Variants in AKAP13 observed in about 807,000 individuals in gnomAD.
AKAP13 encodes A-kinase anchoring protein 13.
Under a neutral mutation model 264.5 loss-of-function variants are expected in AKAP13, and 80 were observed. That is an observed-to-expected ratio of 0.30 (90% CI 0.25 to 0.36). The LOEUF is 0.36. Among genes scored for constraint, AKAP13 ranks in the 10% least tolerant of loss-of-function variants. The pLI, the probability that AKAP13 is intolerant of heterozygous loss-of-function variation, is 1.00. For missense variants in AKAP13, 3,712 were observed against 3,435.2 expected (o/e 1.08, Z -2.01); for synonymous variants, 1,380 against 1,250.2 (o/e 1.10, Z -2.19).
intron 8 of AKAP13, among the ~76,000 whole-genome samples, chr15:85,589,473 C>T (rs759969247): frequency 1.3e-5 from 2 of 151,784 alleles, no homozygotes; most frequent in South Asian, 2.1e-4. Context: ...TGTAAAATCT[C>T]AGCCGGGCAC....
At position 85,562,564 on chromosome 15, in the gene AKAP13, C is replaced by CAAAAA. The variant is rs1253215813; in HGVS notation, c.663-12560_663-12556dup. On this transcript the variant is annotated intron_variant, in intron 5 of 36. Transcript: ENST00000394518. Reference sequence around the variant, plus strand: ...TGGGTGACAGAGTGAGAATCTGCCTCAAAAAAAAAAATATATATATATATA... The same window carrying CAAAAA: ...TGGGTGACAGAGTGAGAATCTGCCTCAAAAAAAAAAAAAAAATATATATATATATA... Among the ~76,000 whole-genome samples the CAAAAA allele has an allele frequency of 2.7e-4, 9 of 33,876 alleles. 1 individual carries two copies. Among genetic ancestry groups the CAAAAA allele is most frequent in the Admixed American group, 5.9e-4 (2 of 3,402 alleles). The allele number at this position is 33,876 out of a possible 152,430, so 22.2% of individuals were successfully genotyped here. A position where few individuals can be genotyped will look rare whatever the true frequency, so the allele number is the denominator to read the frequency against.
At chr15:85,573,209 A>G (rs370694559) in intron 5 of AKAP13, among the ~76,000 whole-genome samples, 1 of 152,154 alleles carries the variant, frequency 6.6e-6, no homozygotes, top group Non-Finnish European at 1.5e-5. Context: ...CATGATAATG[A>G]TCTCAAATAT....
In AKAP13 at chr15:85,645,787, TCAATATTGGTGAATAAATTCTC is replaced by T; in HGVS notation, c.4238-30_4238-9del. The T allele has an allele frequency of 1.2e-5, 18 of 1,546,090 alleles. No individual in the cohort carries two copies. Among genetic ancestry groups the T allele is most frequent in the Admixed American group, 4.4e-5 (2 of 45,598 alleles). ...TTTTGGTTTTTTTGTTTTTTTTTTTTCAATATTGGTGAATAAATTCTCTTTTTCAGAATGTGAGAACTTCCTG... is the reference window on the plus strand; with the variant it reads ...TTTTGGTTTTTTTGTTTTTTTTTTTTTTTTTCAGAATGTGAGAACTTCCTG... On this transcript the variant is annotated splice_polypyrimidine_tract_variant and intron_variant, in intron 9 of 36. Coordinates refer to ENST00000394518, the MANE Select transcript of AKAP13 (RefSeq NM_007200.5).
intron 1 of AKAP13, among the ~76,000 whole-genome samples, chr15:85,385,727 T>G (rs553154127): frequency 6.6e-6 from 1 of 152,366 alleles, no homozygotes; most frequent in African/African-American, 2.4e-5. Context: ...TTCAAAATCT[T>G]TTGCTTAAAA....
chr15:85,557,996 T>A (rs2078212991), intron 5 of AKAP13, among the ~76,000 whole-genome samples: 1 of 152,220 alleles, frequency 6.6e-6, no homozygotes, highest in Non-Finnish European at 1.5e-5. Context: ...ACATGCCGTA[T>A]TCCTATCTAT....
intron 1 of AKAP13, among the ~76,000 whole-genome samples, chr15:85,451,956 A>G (rs1373803936): frequency 2.0e-5 from 3 of 151,884 alleles, no homozygotes; most frequent in East Asian, 1.9e-4. Flanking sequence ...ACCCTGAAAC[A>G]TATTTTCTAA....
chr15:85,744,704 G>A lies in AKAP13; in HGVS notation c.*27G>A. ...CCTCTTCCTCTCTGCTGAGGCAGCT[G>A]CCTCCTGATCCTGGCCAGCCCACCT... On this transcript the variant is annotated 3_prime_UTR_variant, in exon 37 of 37. Coordinates refer to ENST00000394518, the MANE Select transcript of AKAP13 (RefSeq NM_007200.5). 6.3e-7 allele frequency: 1 copy of A among 1,581,700 alleles called. No homozygotes were observed. Among genetic ancestry groups the A allele is most frequent in the South Asian group, 1.2e-5 (1 of 85,648 alleles).
At chr15:85,465,717 G>A (rs2074712394) in intron 1 of AKAP13, among the ~76,000 whole-genome samples, 1 of 151,142 alleles carries the variant, frequency 6.6e-6, no homozygotes, top group Non-Finnish European at 1.5e-5. Context: ...ATTCTATGGT[G>A]TATATGTGCC....
intron 12 of AKAP13, among the ~76,000 whole-genome samples, chr15:85,660,864 A>G (rs529864700): frequency 1.3e-5 from 2 of 152,304 alleles, no homozygotes; most frequent in African/African-American, 4.8e-5. Context: ...AAGATTTTTT[A>G]AAAGAGCCAT....
Position 85,612,853 on chromosome 15 carries a change from AG to A in AKAP13, c.4162-26520del, listed in dbSNP as rs199780261. On this transcript the variant is annotated intron_variant, in intron 8 of 36. Transcript: ENST00000394518. ...AAAAAAAAGAAAAAAAGAAAGAAAA[AG>A]TAAATGTGGAGAGAACATATTCTTC... Among the ~76,000 whole-genome samples the A allele has an allele frequency of 5.0e-3, 762 of 151,956 alleles. 2 individuals are homozygous for A. Among genetic ancestry groups the A allele is most frequent in the Middle Eastern group, 0.01 (3 of 292 alleles).
intron 1 of AKAP13, among the ~76,000 whole-genome samples, chr15:85,484,222 A>G (rs12902447): frequency 0.25 from 37,390 of 152,168 alleles, 6,055 homozygotes; most frequent in Middle Eastern, 0.41. Flanking sequence ...AAGCCTTTCA[A>G]TCTTTCATTT....
chr15:85,623,217 A>G (rs1280444496), intron 8 of AKAP13, among the ~76,000 whole-genome samples: 1 of 152,106 alleles, frequency 6.6e-6, no homozygotes, highest in African/African-American at 2.4e-5. Flanking sequence ...GGAGTTTGTC[A>G]TTTTTATCTG....
intron 17 of AKAP13, among the ~76,000 whole-genome samples, chr15:85,707,374 T>C (rs980623257): frequency 6.6e-6 from 1 of 152,276 alleles, no homozygotes. Context: ...TTTCAAGAAG[T>C]CTCCATTTTC....
chr15:85,623,123 T>G (rs2081266370), intron 8 of AKAP13, among the ~76,000 whole-genome samples: 2 of 152,244 alleles, frequency 1.3e-5, no homozygotes, highest in African/African-American at 4.8e-5. Flanking sequence ...AAACTATAGT[T>G]GGGTGCCTGT....
intron 1 of AKAP13, among the ~76,000 whole-genome samples, chr15:85,383,515 A>C (rs927896659): frequency 3.3e-5 from 5 of 152,230 alleles, no homozygotes; most frequent in African/African-American, 1.2e-4. Flanking sequence ...AGCATTCTTA[A>C]AAGTCTGATG....
chr15:85,487,294 C>G (rs1240723753), intron 2 of AKAP13, among the ~76,000 whole-genome samples: 1 of 152,156 alleles, frequency 6.6e-6, no homozygotes, highest in Non-Finnish European at 1.5e-5. Flanking sequence ...TCTGGTACAA[C>G]ATTGAATAGA....
chr15:85,725,845 A>G (rs1462499954), intron 26 of AKAP13, among the ~76,000 whole-genome samples: 2 of 152,196 alleles, frequency 1.3e-5, no homozygotes, highest in Non-Finnish European at 2.9e-5. Flanking sequence ...CTATATTCAC[A>G]TGTACCTGTA....
At chr15:85,654,535 G>C (rs2151516421) in intron 10 of AKAP13, among the ~76,000 whole-genome samples, 1 of 152,094 alleles carries the variant, frequency 6.6e-6, no homozygotes, top group African/African-American at 2.4e-5. Context: ...TCCTCTTGAA[G>C]AAAAAAATGG....
chr15:85,534,115 C>A (rs932828954), intron 4 of AKAP13: 2 of 449,514 alleles, frequency 4.4e-6, no homozygotes, highest in Non-Finnish European at 7.8e-6. Flanking sequence ...GAGAGTGGCA[C>A]GTCACCTTCC....
Sources: allele counts gnomAD v4.1 joint callset (sites outside exome capture counted in the v4.1 genomes callset), GRCh38; gene constraint gnomAD v4.1.1; transcripts MANE v1.5; gene names NCBI Gene and HGNC (gene_info 2026-07-23, HGNC 2026-07-21).